The following SLC45A4 variants were observed in gnomAD, a reference collection of about 807,000 sequenced individuals.
The protein encoded by SLC45A4 is polyamine-transporter SLC45A4.
Under a neutral mutation model 63.7 loss-of-function variants are expected in SLC45A4, and 32 were observed. The ratio of observed to expected loss-of-function variants is 0.50; its 90% confidence interval spans 0.38 to 0.67. The LOEUF (loss-of-function observed/expected upper bound fraction) is 0.67, where lower values mean the gene tolerates loss of function less well. Ranked by LOEUF, SLC45A4 falls within the 30% of genes least tolerant of loss-of-function variation. The probability of loss-of-function intolerance (pLI) is 0.00; values close to 1 mark genes in which losing one functional copy is unlikely to be tolerated. For missense variants in SLC45A4, 1,027 were observed against 1,157.7 expected (o/e 0.89, Z 1.64); for synonymous variants, 535 against 510.0 (o/e 1.05, Z -0.66).
chr8:141,234,414 G>A (rs750553709), intron 2 of SLC45A4, among the ~76,000 whole-genome samples: 1 of 152,204 alleles, frequency 6.6e-6, no homozygotes. Flanking sequence ...GAAGAAGGGC[G>A]TCCGTTGTTT....
intron 1 of SLC45A4, among the ~76,000 whole-genome samples, chr8:141,255,690 TG>T (rs1473910142): frequency 2.0e-5 from 3 of 152,008 alleles, no homozygotes; most frequent in Admixed American, 6.6e-5. Context: ...CACTCCAGCC[TG>T]GGCAACAGAG....
chr8:141,230,430 T>C (rs1324047811), intron 2 of SLC45A4: 2 of 295,198 alleles, frequency 6.8e-6, no homozygotes, highest in Non-Finnish European at 6.7e-6. Context: ...CCCTGCACAC[T>C]CACAGGACAG....
chr8:141,239,422 C>T (rs1469324132), intron 2 of SLC45A4, among the ~76,000 whole-genome samples: 1 of 152,172 alleles, frequency 6.6e-6, no homozygotes, highest in Non-Finnish European at 1.5e-5. Flanking sequence ...AAATACTTGC[C>T]AACCTCCCAG....
rs1828823881 is a variant in SLC45A4, at chr8:141,256,948, G to GC, written c.-400-2320dup. ...GGCTCACTGCAACCTCCGCCTCCCA[G>GC]CTTCAAGCGATTCTCCCGCCTCAGC... On this transcript the variant is annotated intron_variant, in intron 1 of 8. Transcript: ENST00000517878. This position sits in a 1 kb window ranked among gnomAD's most constrained non-coding sequence, Gnocchi z 4.3. The GC allele has an allele frequency of 8.4e-6, 2 of 238,174 alleles. No individual in the cohort carries two copies. The highest frequency in any genetic ancestry group is 1.0e-4 in the Admixed American group (2 of 20,064). 14.8% of individuals were successfully genotyped at this position (238,174 alleles called of 1,614,324 possible).
At chr8:141,225,202 A>G (rs1400851447) in intron 2 of SLC45A4, 1 of 152,190 alleles carries the variant, frequency 6.6e-6, no homozygotes, top group Non-Finnish European at 1.5e-5. Flanking sequence ...CATGTCTAAT[A>G]ACATTGAGTT....
chr8:141,265,524 T>C (rs1208552262), intron 1 of SLC45A4, among the ~76,000 whole-genome samples: 4 of 152,190 alleles, frequency 2.6e-5, no homozygotes, highest in East Asian at 1.9e-4. Context: ...AATTGTTTTC[T>C]GTAAGGAAAC....
chr8:141,260,161 C>G (rs1221965470), intron 1 of SLC45A4, among the ~76,000 whole-genome samples: 1 of 152,310 alleles, frequency 6.6e-6, no homozygotes, highest in East Asian at 1.9e-4. Context: ...ACCTCACTGG[C>G]ATCTATATTG....
chr8:141,260,331 C>T (rs1042482689), intron 1 of SLC45A4, among the ~76,000 whole-genome samples: 13 of 152,232 alleles, frequency 8.5e-5, no homozygotes, highest in African/African-American at 3.1e-4. Context: ...TAAGAGCAGG[C>T]AAAGTTGAGG....
intron 1 of SLC45A4, among the ~76,000 whole-genome samples, chr8:141,282,776 T>C (rs761685905): frequency 2.0e-5 from 3 of 152,224 alleles, no homozygotes; most frequent in African/African-American, 7.2e-5. Flanking sequence ...GCGCCTCCAG[T>C]GCCTGAACAG....
intron 1 of SLC45A4, among the ~76,000 whole-genome samples, chr8:141,303,367 T>C (rs1287903031): frequency 6.8e-6 from 1 of 146,198 alleles, no homozygotes; most frequent in African/African-American, 2.5e-5. Flanking sequence ...CTGGAACTCC[T>C]GGACTCAAGC....
chr8:141,271,995 C>T (rs1252029860), intron 1 of SLC45A4, among the ~76,000 whole-genome samples: 2 of 152,062 alleles, frequency 1.3e-5, no homozygotes, highest in Non-Finnish European at 2.9e-5. Context: ...CACCCATACA[C>T]GTGTGCATGC....
In SLC45A4 at chr8:141,229,397, C is replaced by T. The variant is rs938884351; in HGVS notation, c.242-7632G>A. On this transcript the variant is annotated intron_variant, in intron 2 of 8. Coordinates refer to ENST00000517878, the MANE Select transcript of SLC45A4 (RefSeq NM_001286646.2). The surrounding 1 kb of genome is among the most constrained non-coding windows in gnomAD (Gnocchi z 5.0). ...TCCACACCAGACTCCAACCGCCCAC[C>T]CCACCCTACCTCCTCTTCTAGAAAA... 1.1e-4 allele frequency among the ~76,000 whole-genome samples: 17 copies of T among 152,114 alleles called. No homozygotes were observed. Among genetic ancestry groups the T allele is most frequent in the Admixed American group, 9.8e-4 (15 of 15,280 alleles).
chr8:141,283,807 C>T (rs532586103), intron 1 of SLC45A4, among the ~76,000 whole-genome samples: 8 of 152,358 alleles, frequency 5.3e-5, no homozygotes, highest in African/African-American at 1.7e-4. Context: ...CCTACTGCAG[C>T]AGGGCCCATG....
chr8:141,214,175 G>C (rs1589756342), intron 7 of SLC45A4, among the ~76,000 whole-genome samples: 1 of 143,366 alleles, frequency 7.0e-6, no homozygotes, highest in African/African-American at 2.7e-5. Flanking sequence ...CTGGGCGACA[G>C]ATCGAGACTC....
At chr8:141,224,034 G>A (rs991380872) in intron 2 of SLC45A4, among the ~76,000 whole-genome samples, 7 of 151,520 alleles carry the variant, frequency 4.6e-5, no homozygotes, top group African/African-American at 1.2e-4. Context: ...CTAATAGGAG[G>A]GGCTCTGCTG....
chr8:141,219,087 G>T lies in SLC45A4; in HGVS notation c.611-58C>A, dbSNP rs1478997382. 4.5e-6 allele frequency: 7 copies of T among 1,556,290 alleles called. No homozygotes were observed. In the East Asian group the frequency reaches 1.6e-4, roughly 35 times the overall value. ...GTGGCACCAGGCCACAGGGGGGGAA[G>T]CTCTGGGAGGGCCTCTCCCTCTAAC... On this transcript the variant is annotated intron_variant, in intron 4 of 8. Transcript: ENST00000517878.
chr8:141,269,952 A>G (rs1489314507), intron 1 of SLC45A4, among the ~76,000 whole-genome samples: 1 of 152,102 alleles, frequency 6.6e-6, no homozygotes, highest in Non-Finnish European at 1.5e-5. Flanking sequence ...TGCCCCCAGC[A>G]TGTCTTTCCC....
At chr8:141,302,749 G>A (rs1053669220) in intron 1 of SLC45A4, among the ~76,000 whole-genome samples, 11 of 152,112 alleles carry the variant, frequency 7.2e-5, no homozygotes, top group African/African-American at 9.7e-5. Context: ...CTGCCTCTAC[G>A]ATACTCAGGC....
intron 2 of SLC45A4, among the ~76,000 whole-genome samples, chr8:141,241,216 C>T (rs1279482056): frequency 6.6e-6 from 1 of 152,276 alleles, no homozygotes; most frequent in Non-Finnish European, 1.5e-5. Flanking sequence ...TGAGCAGTGG[C>T]TCTGCGGGCA....
Sources: allele counts gnomAD v4.1 joint callset (sites outside exome capture counted in the v4.1 genomes callset), GRCh38; gene constraint gnomAD v4.1.1; non-coding constraint Gnocchi (gnomAD v3.1); transcripts MANE v1.5; gene names NCBI Gene and HGNC (gene_info 2026-07-23, HGNC 2026-07-21).